The following ALK variants were observed in gnomAD, a reference collection of about 807,000 sequenced individuals.
ALK encodes the protein ALK tyrosine kinase receptor.
In ALK, 74 loss-of-function variants were observed where a neutral mutation model predicts 163.1. The ratio of observed to expected loss-of-function variants is 0.45; its 90% CI spans 0.38 to 0.55. The LOEUF (loss-of-function observed/expected upper bound fraction) is 0.55, where lower values mean the gene tolerates loss of function less well. ALK is among the 20% of genes least tolerant of loss of function. The pLI is 0.00. For synonymous variants in ALK, 960 were observed against 843.2 expected (o/e 1.14, Z -2.40); for missense variants, 2,063 against 2,105.3 (o/e 0.98, Z 0.39).
intron 1 of ALK, among the ~76,000 whole-genome samples, chr2:29,853,312 C>A (rs12714292): frequency 0.79 from 120,507 of 152,048 alleles, 47,897 homozygotes; most frequent in Non-Finnish European, 0.82. Context: ...GTTTCTCTCC[C>A]CACACCAGTC....
chr2:29,521,366 G>C (rs182323770), intron 4 of ALK, among the ~76,000 whole-genome samples: 8 of 152,192 alleles, frequency 5.3e-5, no homozygotes, highest in African/African-American at 1.7e-4. Flanking sequence ...CACTGGCAGG[G>C]GGAACACAAT....
intron 1 of ALK, among the ~76,000 whole-genome samples, chr2:29,794,035 T>C (rs899698512): frequency 6.6e-6 from 1 of 152,182 alleles, no homozygotes; most frequent in Non-Finnish European, 1.5e-5. Context: ...CTAAGTGTCA[T>C]CTTCTTCTAA....
chr2:29,293,428 T>C (rs1171161130), intron 9 of ALK, among the ~76,000 whole-genome samples: 2 of 151,316 alleles, frequency 1.3e-5, no homozygotes, highest in Admixed American at 1.3e-4. Context: ...TATATTCAGA[T>C]ATAAAAAAGA....
intron 25 of ALK, among the ~76,000 whole-genome samples, chr2:29,209,085 G>C (rs1016692259): frequency 6.6e-6 from 1 of 151,880 alleles, no homozygotes; most frequent in African/African-American, 2.4e-5. Context: ...GCAGATGCCT[G>C]CGGTGTTAGA....
In ALK at chr2:29,478,782, G is replaced by A. The variant is rs75546471; in HGVS notation, c.1154+53133C>T. 1.2e-4 allele frequency among the ~76,000 whole-genome samples: 19 copies of A among 152,288 alleles called. No individual in the cohort carries two copies. The East Asian group carries it at 3.7e-3, about 29-fold the overall frequency. On this transcript the variant is annotated intron_variant, in intron 4 of 28. Coordinates refer to ENST00000389048, the MANE Select transcript of ALK (RefSeq NM_004304.5). Reference sequence around the variant, plus strand: ...TCAGTGTTTAAGCTGGGTTTTGAAGGGCAGGCAGGATTTGGAAAGGTCAGG... The same window carrying A: ...TCAGTGTTTAAGCTGGGTTTTGAAGAGCAGGCAGGATTTGGAAAGGTCAGG...
At chr2:29,650,656 A>C (rs1677012352) in intron 3 of ALK, among the ~76,000 whole-genome samples, 1 of 152,072 alleles carries the variant, frequency 6.6e-6, no homozygotes, top group Non-Finnish European at 1.5e-5. Context: ...GTATCTGGAT[A>C]TGTCTGACTC....
At chr2:29,661,099 A>C (rs1558430353) in intron 3 of ALK, among the ~76,000 whole-genome samples, 1 of 152,194 alleles carries the variant, frequency 6.6e-6, no homozygotes, top group African/African-American at 2.4e-5. Context: ...AGTGTTGTGC[A>C]TTCTTCTAGG....
At chr2:29,648,712 A>C (rs1268927409) in intron 3 of ALK, among the ~76,000 whole-genome samples, 4 of 152,076 alleles carry the variant, frequency 2.6e-5, no homozygotes, top group African/African-American at 9.7e-5. Flanking sequence ...TTCTTTTGAC[A>C]TTATGCTAGG....
chr2:29,429,083 G>C (rs546244727), intron 4 of ALK, among the ~76,000 whole-genome samples: 2 of 151,916 alleles, frequency 1.3e-5, no homozygotes, highest in Non-Finnish European at 2.9e-5. Context: ...CAACAAGCAA[G>C]TAATAGTAAG....
In ALK at chr2:29,222,531, G is replaced by T. The variant is rs2148169149; in HGVS notation, c.3436C>A (p.Gln1146Lys). The change falls in exon 21 of 29, where the codon CAA becomes AAA. Residue 1146 changes from glutamine (Q) to lysine (K), a missense_variant. Physicochemically the swap from Gln to Lys is moderately conservative, Grantham distance 53 (BLOSUM62 1). Coordinates refer to ENST00000389048, the MANE Select transcript of ALK (RefSeq NM_004304.5). ...SGMPNDPSPLQVAVKTLPEVC... is the reference protein window; with the variant it reads ...SGMPNDPSPLKVAVKTLPEVC... ...CCACTTCTTACCTTCACAGCCACTT[G>T]CAGGGGGCTTGGGTCGTTGGGCATT... 6.2e-7 allele frequency: 1 copy of T among 1,614,172 alleles called. No individual in the cohort carries two copies.
At chr2:29,623,939 T>A (rs1676115792) in intron 3 of ALK, among the ~76,000 whole-genome samples, 1 of 152,204 alleles carries the variant, frequency 6.6e-6, no homozygotes, top group Non-Finnish European at 1.5e-5. Flanking sequence ...AGAATTGTCT[T>A]GAATGAAAAT....
At chr2:29,672,139 C>A (rs1448487337) in intron 3 of ALK, among the ~76,000 whole-genome samples, 1 of 149,550 alleles carries the variant, frequency 6.7e-6, no homozygotes, top group Non-Finnish European at 1.5e-5. Context: ...TCCCTGCATA[C>A]CTTCTGCAGG....
chr2:29,898,630 A>G (rs1437083536), intron 1 of ALK, among the ~76,000 whole-genome samples: 2 of 152,224 alleles, frequency 1.3e-5, no homozygotes, highest in Non-Finnish European at 2.9e-5. Flanking sequence ...CGCCACATCA[A>G]GCTCCCTGAT....
intron 1 of ALK, among the ~76,000 whole-genome samples, chr2:29,827,523 C>G (rs4665481): frequency 1.3e-5 from 2 of 152,094 alleles, no homozygotes; most frequent in African/African-American, 4.8e-5. Flanking sequence ...CTACTTAGAC[C>G]AATCTGTTTA....
intron 1 of ALK, among the ~76,000 whole-genome samples, chr2:29,870,767 T>C (rs1048891650): frequency 1.3e-5 from 2 of 152,240 alleles, no homozygotes; most frequent in East Asian, 3.8e-4. Context: ...TCTTAGGGAT[T>C]ACCTGTGAAT....
At chr2:29,536,872 C>T (rs771165809) in intron 3 of ALK, among the ~76,000 whole-genome samples, 1 of 152,208 alleles carries the variant, frequency 6.6e-6, no homozygotes, top group Non-Finnish European at 1.5e-5. Flanking sequence ...AATAATTGGG[C>T]TGCATTCATG....
rs2148169270 is a variant in ALK, at chr2:29,222,564, C to A, written c.3403G>T (p.Val1135Leu). ...CTTGGGTCGTTGGGCATTCCGGACACCTGGCCTTCATACACCTCCCCAAAG... is the reference window on the plus strand; with the variant it reads ...CTTGGGTCGTTGGGCATTCCGGACAACTGGCCTTCATACACCTCCCCAAAG... ...GAFGEVYEGQ[V>L]SGMPNDPSPL... Residue 1135 changes from valine to leucine, a missense_variant, in exon 21 of 29, where the codon GTG (valine) becomes TTG (leucine). Val to Leu is a conservative substitution (Grantham distance 32, BLOSUM62 1). Coordinates refer to ENST00000389048, the MANE Select transcript of ALK (RefSeq NM_004304.5). 1 of 1,614,106 alleles carries A rather than the reference C, an allele frequency of 6.2e-7. No homozygotes were observed.
intron 1 of ALK, among the ~76,000 whole-genome samples, chr2:29,900,229 G>A (rs1572483295): frequency 6.6e-6 from 1 of 152,332 alleles, no homozygotes. Context: ...GATCTCAGGG[G>A]AAGAGAAAAG....
chr2:29,306,753 G>T (rs1047201166), intron 8 of ALK, among the ~76,000 whole-genome samples: 6 of 152,312 alleles, frequency 3.9e-5, no homozygotes, highest in Admixed American at 2.0e-4. Flanking sequence ...GCTGATGCCA[G>T]TAACAATAAA....
Sources: gnomAD v4.1 joint callset for allele counts (sites outside exome capture counted in the v4.1 genomes callset) on GRCh38, gnomAD v4.1.1 for gene constraint, MANE v1.5 for transcripts, NCBI Gene and HGNC (gene_info 2026-07-23, HGNC 2026-07-21) for gene names.